Variants in GRIA1 observed in about 807,000 individuals in gnomAD.
GRIA1 encodes glutamate ionotropic receptor AMPA type subunit 1.
GRIA1 carries 31 observed loss-of-function variants against 99.2 expected under a neutral mutation model. That is an observed-to-expected ratio of 0.31 (90% CI 0.23 to 0.42). The LOEUF (loss-of-function observed/expected upper bound fraction) is 0.42. Ranked by LOEUF, GRIA1 falls within the 10% of genes least tolerant of loss-of-function variation. The pLI is 1.00. For synonymous variants in GRIA1, 438 were observed against 432.4 expected, an observed-to-expected ratio of 1.01 and a Z score of -0.16; for missense variants, 782 against 1,157.5, an observed-to-expected ratio of 0.68 and a Z score of 4.71.
Position 153,780,778 on chromosome 5 carries a change from G to A in GRIA1, c.2270+10363G>A, listed in dbSNP as rs763820816. On this transcript the variant is annotated intron_variant, in intron 13 of 15. Transcript: ENST00000285900. ...TTTTTCCCTGTTCTCCTTCCCTTTC[G>A]GCCCTCCACACTCACCATCTCTTCT... 3.3e-5 allele frequency among the ~76,000 whole-genome samples: 5 copies of A among 151,792 alleles called. No homozygotes were observed. In the South Asian group the frequency reaches 8.3e-4, roughly 25 times the overall value.
chr5:153,707,657 C>T (rs1338625397), intron 11 of GRIA1, among the ~76,000 whole-genome samples: 4 of 152,154 alleles, frequency 2.6e-5, no homozygotes, highest in Non-Finnish European at 5.9e-5. Context: ...TACCACCTAT[C>T]TACGTTTTGC....
intron 13 of GRIA1, among the ~76,000 whole-genome samples, chr5:153,775,843 G>T (rs1581636639): frequency 6.6e-6 from 1 of 150,414 alleles, no homozygotes; most frequent in Non-Finnish European, 1.5e-5. Flanking sequence ...TAGATGGGAA[G>T]TGGGGAGAGG....
intron 2 of GRIA1, among the ~76,000 whole-genome samples, chr5:153,530,184 A>T (rs998098313): frequency 6.6e-6 from 1 of 152,158 alleles, no homozygotes; most frequent in African/African-American, 2.4e-5. Flanking sequence ...AGGCAAAAAA[A>T]CTCAGCCACA....
intron 2 of GRIA1, among the ~76,000 whole-genome samples, chr5:153,609,418 G>C (rs909668154): frequency 7.7e-6 from 1 of 130,462 alleles, no homozygotes; most frequent in Non-Finnish European, 1.7e-5. Flanking sequence ...AAAAATGATA[G>C]ATATGTCCAC....
intron 8 of GRIA1, among the ~76,000 whole-genome samples, chr5:153,693,952 A>G (rs138309884): frequency 9.2e-5 from 14 of 152,318 alleles, no homozygotes; most frequent in Admixed American, 7.8e-4. Context: ...TTCTCAGTCT[A>G]CTAGTTTACA....
At chr5:153,582,749 A>T (rs1389284) in intron 2 of GRIA1, among the ~76,000 whole-genome samples, 1 of 152,152 alleles carries the variant, frequency 6.6e-6, no homozygotes, top group East Asian at 1.9e-4. Flanking sequence ...AATTTTCTGG[A>T]GAGCTTTTTA....
At chr5:153,507,897 T>G (rs532280462) in intron 2 of GRIA1, among the ~76,000 whole-genome samples, 1 of 152,302 alleles carries the variant, frequency 6.6e-6, no homozygotes, top group African/African-American at 2.4e-5. Context: ...TACCTAGTGT[T>G]GCCACAAACA....
At chr5:153,774,979 G>A (rs563088966) in intron 13 of GRIA1, among the ~76,000 whole-genome samples, 1 of 152,246 alleles carries the variant, frequency 6.6e-6, no homozygotes, top group East Asian at 1.9e-4. Context: ...CTGTTTGTTG[G>A]CTGTCACTGC....
intron 2 of GRIA1, among the ~76,000 whole-genome samples, chr5:153,645,340 A>AT (rs1754068291): frequency 6.6e-6 from 1 of 152,158 alleles, no homozygotes; most frequent in African/African-American, 2.4e-5. Flanking sequence ...TCTTTAAGAG[A>AT]TTATGACCTT....
At chr5:153,647,606 T>C (rs1754253606) in intron 3 of GRIA1, among the ~76,000 whole-genome samples, 1 of 152,200 alleles carries the variant, frequency 6.6e-6, no homozygotes. Context: ...AAACAATGTC[T>C]ATCTTATAAA....
chr5:153,565,078 C>A (rs903104965), intron 2 of GRIA1, among the ~76,000 whole-genome samples: 1 of 152,116 alleles, frequency 6.6e-6, no homozygotes, highest in African/African-American at 2.4e-5. Context: ...GATATGGAAA[C>A]CTCTCAGTCA....
Position 153,770,231 on chromosome 5 carries a change from T to C in GRIA1, c.2086T>C (p.Phe696Leu). The change falls in exon 13 of 16, where the codon TTT becomes CTT. Residue 696 changes from phenylalanine (F) to leucine (L), a missense_variant. Phe to Leu is a conservative substitution (Grantham distance 22). Around this residue, in one of 5 missense-constraint regions of GRIA1, gnomAD observed 119 missense variants for 326.6 expected, o/e 0.36. Coordinates refer to ENST00000285900, the MANE Select transcript of GRIA1 (RefSeq NM_000827.4). ...CATGAAGTCAGCAGAGCCATCAGTT[T>C]TTGTGCGGACCACAGAGGAGGGGAT... The part of the protein sequence containing the change: ...TYMKSAEPSV[F>L]VRTTEEGMIR... 6.2e-7 allele frequency: 1 copy of C among 1,613,994 alleles called. No homozygotes were observed. Among genetic ancestry groups the C allele is most frequent in the Non-Finnish European group, 8.5e-7 (1 of 1,179,914 alleles).
intron 11 of GRIA1, among the ~76,000 whole-genome samples, chr5:153,707,571 T>C (rs1758994573): frequency 6.6e-6 from 1 of 152,168 alleles, no homozygotes; most frequent in South Asian, 2.1e-4. Context: ...TGGCTCAGAA[T>C]TTGGCCTCCA....
At chr5:153,506,553 T>C (rs910509377) in intron 2 of GRIA1, among the ~76,000 whole-genome samples, 2 of 151,516 alleles carry the variant, frequency 1.3e-5, no homozygotes, top group African/African-American at 4.9e-5. Flanking sequence ...TAGAAAGGAG[T>C]CTCCCTTGAG....
Position 153,561,530 on chromosome 5 carries a change from C to T in GRIA1, c.220+67465C>T, listed in dbSNP as rs557026090. Among the ~76,000 whole-genome samples the T allele has an allele frequency of 1.2e-4, 18 of 152,244 alleles. No individual in the cohort carries two copies. In the South Asian group the frequency reaches 1.2e-3, roughly 11 times the overall value. ...GACAAGTGTCTGTGATGTCAAACCCCGTCCATGTAACTGCTAGTTACTATA... is the reference window on the plus strand; with the variant it reads ...GACAAGTGTCTGTGATGTCAAACCCTGTCCATGTAACTGCTAGTTACTATA... On this transcript the variant is annotated intron_variant, in intron 2 of 15. Coordinates refer to ENST00000285900, the MANE Select transcript of GRIA1 (RefSeq NM_000827.4).
chr5:153,602,945 G>A (rs982788029), intron 2 of GRIA1, among the ~76,000 whole-genome samples: 3 of 152,112 alleles, frequency 2.0e-5, no homozygotes, highest in African/African-American at 7.2e-5. Flanking sequence ...ATTGATCTGA[G>A]CTTTGTTTAA....
At chr5:153,637,715 C>T (rs1183492905) in intron 2 of GRIA1, among the ~76,000 whole-genome samples, 2 of 152,128 alleles carry the variant, frequency 1.3e-5, no homozygotes, top group African/African-American at 2.4e-5. Context: ...AAGAGCACAG[C>T]TCTCATTCTC....
rs77872092 is a variant in GRIA1 at position 153,658,623 on chromosome 5, C to T, written c.699+2751C>T. On this transcript the variant is annotated intron_variant, in intron 5 of 15. Coordinates refer to ENST00000285900, the MANE Select transcript of GRIA1 (RefSeq NM_000827.4). ...CCCCCTTCAGAGGAATAATGCAATT[C>T]ATAAGACGATAATTTTTAGAATTTC... Among the ~76,000 whole-genome samples the T allele has an allele frequency of 9.6e-3, 1,469 of 152,268 alleles. 24 individuals are homozygous for T. The highest frequency in any genetic ancestry group is 0.033 in the African/African-American group (1,366 of 41,534).
chr5:153,756,653 T>C (rs1336526448), intron 11 of GRIA1, among the ~76,000 whole-genome samples: 2 of 152,178 alleles, frequency 1.3e-5, no homozygotes, highest in African/African-American at 4.8e-5. Flanking sequence ...GCCTTGACTC[T>C]TCTCTAGGTC....
Sources: allele counts gnomAD v4.1 joint callset (sites outside exome capture counted in the v4.1 genomes callset), GRCh38; gene constraint gnomAD v4.1.1; regional missense constraint gnomAD v4.1.1; transcripts MANE v1.5; gene names NCBI Gene and HGNC (gene_info 2026-07-23, HGNC 2026-07-21).